Variants in ARK2C observed in about 807,000 individuals in gnomAD.
The protein encoded by ARK2C is arkadia (RNF111) C-terminal like ring finger ubiquitin ligase 2C, also known as E3 ubiquitin-protein ligase ARK2C.
the ARK2C span, among the ~76,000 whole-genome samples, chr18:46,366,246 C>T: frequency 1.5e-5 from 2 of 134,758 alleles, no homozygotes. Context: ...GAGCCAAGAT[C>T]ACGCCAGTGC....
the ARK2C span, chr18:46,459,115 T>C: frequency 6.6e-6 from 1 of 152,254 alleles, no homozygotes; most frequent in Non-Finnish European, 1.5e-5. Context: ...GGAAGCTCAC[T>C]CCTCTCTTAG....
chr18:46,444,627 C>G, the ARK2C span, among the ~76,000 whole-genome samples: 2 of 151,338 alleles, frequency 1.3e-5, no homozygotes, highest in Non-Finnish European at 2.9e-5. Context: ...CCATACCCAA[C>G]TAATTTAAAC....
the ARK2C span, among the ~76,000 whole-genome samples, chr18:46,421,782 G>T: frequency 6.6e-6 from 1 of 152,124 alleles, no homozygotes; most frequent in South Asian, 2.1e-4. Flanking sequence ...GGGCAAGTAG[G>T]GTTCCTTAGG....
chr18:46,445,592 A>T, the ARK2C span, among the ~76,000 whole-genome samples: 1 of 152,180 alleles, frequency 6.6e-6, no homozygotes, highest in Non-Finnish European at 1.5e-5. Flanking sequence ...CAACTTTCAG[A>T]GACCTCAGCC....
At chr18:46,363,838 C>T in the ARK2C span, among the ~76,000 whole-genome samples, 3,609 of 152,118 alleles carry the variant, frequency 0.024, 80 homozygotes, top group East Asian at 0.11. Context: ...TAGGGGCCAC[C>T]GTTGAGGGTG....
chr18:46,442,044 T>C, the ARK2C span, among the ~76,000 whole-genome samples: 1 of 149,210 alleles, frequency 6.7e-6, no homozygotes, highest in East Asian at 2.0e-4. Flanking sequence ...GCGCCTGTAG[T>C]CCCAGCTACT....
the ARK2C span, among the ~76,000 whole-genome samples, chr18:46,373,810 C>T: frequency 8.5e-5 from 13 of 152,192 alleles, no homozygotes; most frequent in African/African-American, 3.1e-4. Flanking sequence ...CTAGGCCAGA[C>T]CGTGCAGCCA....
At chr18:46,383,775 T>A in the ARK2C span, among the ~76,000 whole-genome samples, 1 of 152,112 alleles carries the variant, frequency 6.6e-6, no homozygotes, top group East Asian at 1.9e-4. Context: ...AGGATGGTCT[T>A]GATCTGACCT....
chr18:46,427,797 GAC>G, the ARK2C span, among the ~76,000 whole-genome samples: 1 of 152,242 alleles, frequency 6.6e-6, no homozygotes, highest in Non-Finnish European at 1.5e-5. Context: ...AGTGTGAAGA[GAC>G]AGCTCAAGGT....
chr18:46,342,122 C>T, the ARK2C span, among the ~76,000 whole-genome samples: 1 of 152,158 alleles, frequency 6.6e-6, no homozygotes, highest in East Asian at 1.9e-4. Context: ...TGGCACAGCC[C>T]ATGAGGAGTT....
chr18:46,380,513 G>C, the ARK2C span, among the ~76,000 whole-genome samples: 5 of 152,236 alleles, frequency 3.3e-5, no homozygotes, highest in African/African-American at 1.2e-4. Context: ...ATCGTTCTCA[G>C]GGCTCTACCT....
the ARK2C span, chr18:46,336,374 C>T: frequency 3.1e-6 from 3 of 963,056 alleles, no homozygotes; most frequent in African/African-American, 2.1e-5. Flanking sequence ...TTCTCCCTCA[C>T]CCCCCCCAAC....
At chr18:46,365,273 C>T in the ARK2C span, among the ~76,000 whole-genome samples, 1 of 152,164 alleles carries the variant, frequency 6.6e-6, no homozygotes, top group Non-Finnish European at 1.5e-5. Context: ...ACCCACGCCC[C>T]CTGTCAGTGG....
the ARK2C span, among the ~76,000 whole-genome samples, chr18:46,413,122 G>A: frequency 4.6e-5 from 7 of 152,096 alleles, no homozygotes; most frequent in Admixed American, 3.3e-4. Flanking sequence ...TCTTGAACTC[G>A]GTTTTGAAAA....
At chr18:46,448,679 G>A in the ARK2C span, among the ~76,000 whole-genome samples, 3 of 152,178 alleles carry the variant, frequency 2.0e-5, no homozygotes, top group South Asian at 2.1e-4. Context: ...TGCCTATCCA[G>A]TTCTGCCTTT....
At chr18:46,461,403 G>A in the ARK2C span, 3 of 152,442 alleles carry the variant, frequency 2.0e-5, no homozygotes, top group Admixed American at 6.5e-5. Context: ...CCAGCACTTT[G>A]TGAGGCCAAG....
chr18:46,450,722 G>A, the ARK2C span: 1 of 1,613,908 alleles, frequency 6.2e-7, no homozygotes, highest in Non-Finnish European at 8.5e-7. Flanking sequence ...GCAGCTCGAG[G>A]ACAGGTTGGG....
At chr18:46,447,818 C>G in the ARK2C span, 1 of 1,102,638 alleles carries the variant, frequency 9.1e-7, no homozygotes, top group South Asian at 1.4e-5. Context: ...CCCTGTGCCC[C>G]GGCTTCCACA....
chr18:46,433,203 A>G, the ARK2C span: 3 of 1,582,564 alleles, frequency 1.9e-6, no homozygotes, highest in African/African-American at 1.3e-5. Context: ...CCCCCTTTCA[A>G]AGGTCTCAGC....
Sources: gnomAD v4.1 joint callset for allele counts (sites outside exome capture counted in the v4.1 genomes callset) on GRCh38, gnomAD v4.1.1 for gene constraint, MANE v1.5 for transcripts, NCBI Gene and HGNC (gene_info 2026-07-23, HGNC 2026-07-21) for gene names.